Variants in SHISA6 observed in about 807,000 individuals in gnomAD.
SHISA6 encodes the protein protein shisa-6.
In SHISA6, 22 loss-of-function variants were observed where a neutral mutation model predicts 47.9. The observed-to-expected ratio is 0.46, with a 90% CI of 0.33 to 0.66. The LOEUF is 0.66. Among genes scored for constraint, SHISA6 ranks in the 30% least tolerant of loss-of-function variants. SHISA6 has a pLI of 0.02. For synonymous variants in SHISA6, 388 were observed against 337.8 expected, an observed-to-expected ratio of 1.15 and a Z score of -1.63; for missense variants, 680 against 764.6, an observed-to-expected ratio of 0.89 and a Z score of 1.30.
At chr17:11,376,620 G>A (rs533588065) in intron 2 of SHISA6, among the ~76,000 whole-genome samples, 41 of 152,220 alleles carry the variant, frequency 2.7e-4, no homozygotes, top group African/African-American at 9.1e-4. Flanking sequence ...CACTGCGCCC[G>A]GCCTGGGGCT....
chr17:11,481,733 C>T (rs576096451), intron 3 of SHISA6, among the ~76,000 whole-genome samples: 1 of 152,066 alleles, frequency 6.6e-6, no homozygotes, highest in South Asian at 2.1e-4. Flanking sequence ...CCTCATGATC[C>T]ACCCACCTCA....
At chr17:11,550,975 T>C (rs1375555281) in intron 3 of SHISA6, among the ~76,000 whole-genome samples, 1 of 151,478 alleles carries the variant, frequency 6.6e-6, no homozygotes, top group South Asian at 2.1e-4. Context: ...AGTCACAAGA[T>C]GTAAAGAAAT....
chr17:11,281,302 C>A (rs1184703803), intron 2 of SHISA6, among the ~76,000 whole-genome samples: 3 of 152,060 alleles, frequency 2.0e-5, no homozygotes, highest in African/African-American at 7.2e-5. Flanking sequence ...TGGAGATGCC[C>A]TTTATCAAAT....
At chr17:11,545,987 A>C (rs997412413) in intron 3 of SHISA6, among the ~76,000 whole-genome samples, 1 of 152,224 alleles carries the variant, frequency 6.6e-6, no homozygotes, top group Non-Finnish European at 1.5e-5. Flanking sequence ...AGACAGTCAC[A>C]CAGGCCTCCA....
intron 3 of SHISA6, among the ~76,000 whole-genome samples, chr17:11,394,371 C>G (rs1913494650): frequency 6.6e-6 from 1 of 152,188 alleles, no homozygotes; most frequent in Admixed American, 6.5e-5. Context: ...TATTCCAGGA[C>G]TCCTGCATAT....
chr17:11,361,045 GTT>G (rs10559558), intron 2 of SHISA6, among the ~76,000 whole-genome samples: 31 of 115,982 alleles, frequency 2.7e-4, no homozygotes, highest in African/African-American at 6.7e-4. Flanking sequence ...CTTTTTTCCT[GTT>G]TTTTTTTTTG....
chr17:11,304,035 G>C (rs1247666874), intron 2 of SHISA6, among the ~76,000 whole-genome samples: 1 of 152,200 alleles, frequency 6.6e-6, no homozygotes, highest in Non-Finnish European at 1.5e-5. Context: ...CTGCACAGAC[G>C]AATGGAGCAG....
chr17:11,402,729 T>C (rs1913821021), intron 3 of SHISA6, among the ~76,000 whole-genome samples: 1 of 152,212 alleles, frequency 6.6e-6, no homozygotes, highest in African/African-American at 2.4e-5. Context: ...TATTCTTTCA[T>C]GCACTGGGAT....
At chr17:11,390,802 A>G (rs745928194) in intron 3 of SHISA6, among the ~76,000 whole-genome samples, 1 of 152,136 alleles carries the variant, frequency 6.6e-6, no homozygotes, top group Non-Finnish European at 1.5e-5. Context: ...TAGATAGGGA[A>G]CCAAAACCAG....
chr17:11,504,932 G>A (rs2071486232), intron 3 of SHISA6, among the ~76,000 whole-genome samples: 1 of 152,222 alleles, frequency 6.6e-6, no homozygotes, highest in Non-Finnish European at 1.5e-5. Flanking sequence ...TCATGAAGAT[G>A]TTCAGTCACT....
chr17:11,282,793 C>T (rs1909167609), intron 2 of SHISA6, among the ~76,000 whole-genome samples: 2 of 152,186 alleles, frequency 1.3e-5, no homozygotes, highest in African/African-American at 2.4e-5. Context: ...CCAGCCCCAA[C>T]CCAGAGGGGC....
At chr17:11,361,543 T>G (rs982107306) in intron 2 of SHISA6, among the ~76,000 whole-genome samples, 7 of 152,286 alleles carry the variant, frequency 4.6e-5, no homozygotes, top group African/African-American at 1.7e-4. Context: ...GCTGAGGTAA[T>G]TAAGTGGGTA....
At chr17:11,521,136 G>T (rs1451314698) in intron 3 of SHISA6, among the ~76,000 whole-genome samples, 1 of 152,152 alleles carries the variant, frequency 6.6e-6, no homozygotes, top group Non-Finnish European at 1.5e-5. Flanking sequence ...TTATAACTCT[G>T]AATGTTCCCT....
rs79427304 is a variant in SHISA6, at chr17:11,264,015, A to C, written c.799+489A>C. On this transcript the variant is annotated intron_variant, in intron 2 of 5. Transcript: ENST00000441885. ...TTCCTGTGCTCTGTAGATTCCCTGG[A>C]TGTATGATGAGTTGCCATAAAATAA... 2.5e-3 allele frequency among the ~76,000 whole-genome samples: 384 copies of C among 152,258 alleles called. 2 individuals are homozygous for C. The highest frequency in any genetic ancestry group is 8.8e-3 in the African/African-American group (367 of 41,536).
chr17:11,280,500 A>G (rs994558503), intron 2 of SHISA6, among the ~76,000 whole-genome samples: 5 of 152,240 alleles, frequency 3.3e-5, no homozygotes, highest in African/African-American at 1.2e-4. Flanking sequence ...ACAGATGAGA[A>G]TTGTATATGG....
chr17:11,476,976 C>G (rs1447858603), intron 3 of SHISA6, among the ~76,000 whole-genome samples: 2 of 152,134 alleles, frequency 1.3e-5, no homozygotes, highest in African/African-American at 4.8e-5. Context: ...ACTGTTACGT[C>G]TTCTTTGAGA....
At chr17:11,487,642 A>G (rs1916385474) in intron 3 of SHISA6, among the ~76,000 whole-genome samples, 2 of 152,224 alleles carry the variant, frequency 1.3e-5, no homozygotes, top group South Asian at 4.1e-4. Context: ...GCTAAAGTGT[A>G]CTAATGCCCC....
At chr17:11,277,280 T>TCTCTCTCTCTCTCTCTCTCTCTCA (rs1386997909) in intron 2 of SHISA6, among the ~76,000 whole-genome samples, 2 of 53,930 alleles carry the variant, frequency 3.7e-5, no homozygotes, top group South Asian at 1.1e-3. Context: ...TCTCTCTCTC[T>TCTCTCTCTCTCTCTCTCTCTCTCA]CACACACACA....
chr17:11,427,317 T>C (rs531677187), intron 3 of SHISA6, among the ~76,000 whole-genome samples: 15 of 152,282 alleles, frequency 9.9e-5, no homozygotes, highest in Middle Eastern at 3.4e-3. Flanking sequence ...GAATTTTTAG[T>C]AGAGACGGGG....
Sources: allele counts gnomAD v4.1 joint callset (sites outside exome capture counted in the v4.1 genomes callset), GRCh38; gene constraint gnomAD v4.1.1; transcripts MANE v1.5; gene names NCBI Gene and HGNC (gene_info 2026-07-23, HGNC 2026-07-21).